GPM6A: variants seen among roughly 807,000 people sequenced by gnomAD.
GPM6A encodes the protein neuronal membrane glycoprotein M6-a.
Under a neutral mutation model 32.1 loss-of-function variants are expected in GPM6A, and 7 were observed. The observed-to-expected ratio is 0.22, with a 90% CI of 0.12 to 0.41. The LOEUF is 0.41. Ranked by LOEUF, GPM6A falls within the 10% of genes least tolerant of loss-of-function variation. The pLI is 1.00. For missense variants in GPM6A, 235 were observed against 347.2 expected, an observed-to-expected ratio of 0.68 and a Z score of 2.57; for synonymous variants, 130 against 123.4, an observed-to-expected ratio of 1.05 and a Z score of -0.35.
At chr4:175,766,175 T>G (rs1732957153) in intron 1 of GPM6A, among the ~76,000 whole-genome samples, 1 of 152,216 alleles carries the variant, frequency 6.6e-6, no homozygotes, top group African/African-American at 2.4e-5. Context: ...AAAGTTCATA[T>G]GGCACTTAAG....
At chr4:175,730,565 G>A (rs896876602) in intron 1 of GPM6A, among the ~76,000 whole-genome samples, 1 of 151,916 alleles carries the variant, frequency 6.6e-6, no homozygotes, top group Admixed American at 6.6e-5. Context: ...CCGCCTCCCG[G>A]GTTCACGCCA....
intron 1 of GPM6A, among the ~76,000 whole-genome samples, chr4:175,767,161 A>C (rs1448357778): frequency 6.6e-6 from 1 of 152,188 alleles, no homozygotes; most frequent in African/African-American, 2.4e-5. Flanking sequence ...GTCCTGTTTA[A>C]ATATTCAGTG....
At chr4:175,944,866 A>G (rs765977888) in intron 1 of GPM6A, among the ~76,000 whole-genome samples, 3 of 151,882 alleles carry the variant, frequency 2.0e-5, no homozygotes, top group Non-Finnish European at 4.4e-5. Context: ...TACCGACTGC[A>G]GTCTTCAACA....
chr4:175,744,615 G>T (rs1732024028), intron 1 of GPM6A, among the ~76,000 whole-genome samples: 1 of 151,936 alleles, frequency 6.6e-6, no homozygotes, highest in Non-Finnish European at 1.5e-5. Flanking sequence ...TTAACTTTCT[G>T]GAGTTTGGGA....
At chr4:175,878,888 T>C (rs1737176523) in intron 1 of GPM6A, among the ~76,000 whole-genome samples, 1 of 152,186 alleles carries the variant, frequency 6.6e-6, no homozygotes, top group Non-Finnish European at 1.5e-5. Context: ...TTCCAAACCA[T>C]ATCTTTGTGA....
At chr4:175,792,995 A>C (rs1350205322) in intron 1 of GPM6A, among the ~76,000 whole-genome samples, 1 of 152,192 alleles carries the variant, frequency 6.6e-6, no homozygotes, top group African/African-American at 2.4e-5. Context: ...CCTGGCCAAC[A>C]TGGTGAAACC....
chr4:175,706,184 A>G (rs1413650940), intron 1 of GPM6A, among the ~76,000 whole-genome samples: 1 of 151,770 alleles, frequency 6.6e-6, no homozygotes, highest in Non-Finnish European at 1.5e-5. Context: ...CAAAATTTCA[A>G]AGAAAATAGA....
chr4:175,845,134 T>C (rs953724267), intron 1 of GPM6A, among the ~76,000 whole-genome samples: 1 of 152,180 alleles, frequency 6.6e-6, no homozygotes, highest in South Asian at 2.1e-4. Context: ...TATTTTGTGA[T>C]AGTAGTCAAT....
intron 1 of GPM6A, among the ~76,000 whole-genome samples, chr4:175,965,800 G>C (rs1157405869): frequency 6.6e-6 from 1 of 151,982 alleles, no homozygotes; most frequent in African/African-American, 2.4e-5. Context: ...TGTTAGTAGA[G>C]ACGGGGTTTC....
chr4:175,727,739 C>A (rs531806335), intron 1 of GPM6A, among the ~76,000 whole-genome samples: 2 of 152,294 alleles, frequency 1.3e-5, no homozygotes, highest in African/African-American at 4.8e-5. Flanking sequence ...CATGGTGGCT[C>A]ACACCTGTAA....
chr4:175,659,065 A>G (rs879874959), intron 3 of GPM6A, among the ~76,000 whole-genome samples: 6 of 151,350 alleles, frequency 4.0e-5, no homozygotes, highest in Non-Finnish European at 7.4e-5. Flanking sequence ...TATGAGATAA[A>G]TTGTTTTTGT....
At chr4:175,766,006 G>A (rs1484051467) in intron 1 of GPM6A, among the ~76,000 whole-genome samples, 1 of 152,126 alleles carries the variant, frequency 6.6e-6, no homozygotes, top group Non-Finnish European at 1.5e-5. Flanking sequence ...CCCAACATTA[G>A]GGTGTCCTTT....
At chr4:175,925,158 T>C (rs922444453) in intron 1 of GPM6A, among the ~76,000 whole-genome samples, 1 of 152,222 alleles carries the variant, frequency 6.6e-6, no homozygotes, top group African/African-American at 2.4e-5. Context: ...AGCAACTTTT[T>C]AAAAGTCTGG....
chr4:175,998,304 C>A (rs1016765287), intron 1 of GPM6A, among the ~76,000 whole-genome samples: 4 of 152,056 alleles, frequency 2.6e-5, no homozygotes, highest in Admixed American at 2.0e-4. Context: ...CAGGCGTGTG[C>A]CACCACACCC....
At position 175,869,454 on chromosome 4, in the gene GPM6A, T is replaced by C. The variant is rs193059952; in HGVS notation, c.-22-57205A>G. On this transcript the variant is annotated intron_variant, in intron 1 of 7. Transcript: ENST00000280187. ...TTACAGATATATCACATTTATTTAT[T>C]TAAAAAAAAACAACAAAACTACATC... is the stretch of plus-strand genomic sequence containing the variant. Among the ~76,000 whole-genome samples the C allele has an allele frequency of 6.1e-3, 931 of 152,146 alleles. 5 individuals carry two copies. Among genetic ancestry groups the C allele is most frequent in the Non-Finnish European group, 0.011 (753 of 67,998 alleles).
chr4:175,878,795 G>A (rs1365908607), intron 1 of GPM6A, among the ~76,000 whole-genome samples: 1 of 152,100 alleles, frequency 6.6e-6, no homozygotes, highest in East Asian at 1.9e-4. Flanking sequence ...CTCAGAAAAT[G>A]GGTTTTTCTT....
chr4:175,687,650 C>G (rs766553147), intron 2 of GPM6A, among the ~76,000 whole-genome samples: 15 of 152,028 alleles, frequency 9.9e-5, no homozygotes, highest in Non-Finnish European at 1.8e-4. Flanking sequence ...GTATATGTAT[C>G]TCTTCAAGAT....
chr4:175,641,049 T>C, intron 4 of GPM6A: 1 of 516,128 alleles, frequency 1.9e-6, no homozygotes, highest in Admixed American at 3.4e-5. Context: ...TTTAAATAAT[T>C]TCAATCTGAA....
At chr4:175,977,765 G>A (rs554751643) in intron 1 of GPM6A, among the ~76,000 whole-genome samples, 2 of 152,148 alleles carry the variant, frequency 1.3e-5, no homozygotes, top group South Asian at 2.1e-4. Flanking sequence ...TCTACGTGAT[G>A]CAGTAACATT....
Sources: allele counts gnomAD v4.1 joint callset (sites outside exome capture counted in the v4.1 genomes callset), GRCh38; gene constraint gnomAD v4.1.1; transcripts MANE v1.5; gene names NCBI Gene and HGNC (gene_info 2026-07-23, HGNC 2026-07-21).